MYRIP: variants seen among roughly 807,000 people sequenced by gnomAD.
MYRIP encodes myosin VIIA and Rab interacting protein, also known as rab effector MyRIP.
In MYRIP, 49 loss-of-function variants were observed where a neutral mutation model predicts 98.0. That is an observed-to-expected ratio of 0.50 (90% CI 0.40 to 0.63). The LOEUF (loss-of-function observed/expected upper bound fraction) is 0.63. Among genes scored for constraint, MYRIP ranks in the 30% least tolerant of loss-of-function variants. The pLI is 0.00. For missense variants in MYRIP, 1,004 were observed against 1,058.2 expected, an observed-to-expected ratio of 0.95 and a Z score of 0.71; for synonymous variants, 404 against 409.5, an observed-to-expected ratio of 0.99 and a Z score of 0.16.
chr3:39,873,161 T>C (rs1189612549), intron 1 of MYRIP, among the ~76,000 whole-genome samples: 12 of 152,142 alleles, frequency 7.9e-5, no homozygotes, highest in Non-Finnish European at 1.6e-4. Flanking sequence ...TGTTCATGTC[T>C]TTTGCCCACT....
intron 2 of MYRIP, among the ~76,000 whole-genome samples, chr3:39,991,424 GA>G (rs1288008026): frequency 7.9e-5 from 12 of 152,228 alleles, no homozygotes; most frequent in Admixed American, 7.9e-4. Flanking sequence ...TTCCAACTCA[GA>G]AGTGTTTTTG....
chr3:40,170,775 A>G (rs1365655780), intron 8 of MYRIP, among the ~76,000 whole-genome samples: 2 of 152,312 alleles, frequency 1.3e-5, no homozygotes, highest in African/African-American at 4.8e-5. Context: ...GTTCTGCTAG[A>G]TATAGGTGCT....
chr3:39,913,711 A>C (rs1944081851), intron 2 of MYRIP, among the ~76,000 whole-genome samples: 1 of 152,240 alleles, frequency 6.6e-6, no homozygotes, highest in Non-Finnish European at 1.5e-5. Context: ...ACAATGCCTT[A>C]GGGCAGTCTA....
chr3:40,159,128 G>C (rs1214621723), intron 4 of MYRIP, among the ~76,000 whole-genome samples: 1 of 152,040 alleles, frequency 6.6e-6, no homozygotes, highest in Non-Finnish European at 1.5e-5. Context: ...TGCAATGGCT[G>C]GTATCGGTTG....
intron 1 of MYRIP, among the ~76,000 whole-genome samples, chr3:39,814,972 G>A (rs1455713085): frequency 1.3e-5 from 2 of 152,022 alleles, no homozygotes; most frequent in Non-Finnish European, 2.9e-5. Context: ...CTTGTATTAG[G>A]CACCTTATAG....
intron 2 of MYRIP, among the ~76,000 whole-genome samples, chr3:39,956,599 C>T (rs180773029): frequency 2.0e-5 from 3 of 151,942 alleles, no homozygotes; most frequent in Non-Finnish European, 2.9e-5. Context: ...ATGGACACCC[C>T]AACATCACAA....
At chr3:40,016,638 C>A (rs928892761) in intron 2 of MYRIP, among the ~76,000 whole-genome samples, 9 of 152,154 alleles carry the variant, frequency 5.9e-5, no homozygotes, top group African/African-American at 2.2e-4. Context: ...TCTCACTGCT[C>A]CCCACCTGAG....
intron 3 of MYRIP, among the ~76,000 whole-genome samples, chr3:40,142,544 C>A (rs1342201159): frequency 6.6e-6 from 1 of 152,142 alleles, no homozygotes; most frequent in Non-Finnish European, 1.5e-5. Context: ...CACCTCGCAA[C>A]CTCTGCCTCC....
At chr3:40,018,528 G>A (rs1187479335) in intron 2 of MYRIP, among the ~76,000 whole-genome samples, 1 of 152,082 alleles carries the variant, frequency 6.6e-6, no homozygotes, top group Non-Finnish European at 1.5e-5. Context: ...AGACATGAGT[G>A]GTCTTTTGGT....
chr3:40,086,994 G>A (rs998028126), intron 3 of MYRIP, among the ~76,000 whole-genome samples: 6 of 152,144 alleles, frequency 3.9e-5, no homozygotes, highest in African/African-American at 1.2e-4. Flanking sequence ...GGGTGATTGG[G>A]GAATTCATAA....
intron 1 of MYRIP, among the ~76,000 whole-genome samples, chr3:39,810,164 G>A (rs889737458): frequency 6.6e-6 from 1 of 152,186 alleles, no homozygotes; most frequent in Admixed American, 6.5e-5. Flanking sequence ...TCTTTCTCTC[G>A]CTGCTGGGGT....
At chr3:40,157,289 G>C (rs751937702) in intron 4 of MYRIP, among the ~76,000 whole-genome samples, 3,086 of 139,858 alleles carry the variant, frequency 0.022, 35 homozygotes, top group Non-Finnish European at 0.029. Context: ...TTATATGCTG[G>C]ATTACATTTA....
chr3:40,166,872 G>T lies in MYRIP; in HGVS notation c.577G>T (p.Val193Leu). 6.2e-7 allele frequency: 1 copy of T among 1,613,786 alleles called. No individual in the cohort carries two copies. Among genetic ancestry groups the T allele is most frequent in the Non-Finnish European group, 8.5e-7 (1 of 1,179,704 alleles). Residue 193 changes from valine (V) to leucine (L), a missense_variant, in exon 6 of 17, where the codon GTG (valine) becomes TTG (leucine). By Grantham distance (32) the Val-to-Leu change is conservative. Transcript: ENST00000302541. ...ACATAGTGTGATGGACACCTTGGCT[G>T]TGGCCCTACGGGTGGCTGAAGAGGC... ...EGHSVMDTLA[V>L]ALRVAEEAIE...
intron 3 of MYRIP, among the ~76,000 whole-genome samples, chr3:40,082,209 A>G (rs949850625): frequency 6.6e-6 from 1 of 152,242 alleles, no homozygotes; most frequent in Non-Finnish European, 1.5e-5. Flanking sequence ...AAAACTAAAA[A>G]TAGAACTACC....
At chr3:40,127,458 C>G (rs1363680851) in intron 3 of MYRIP, among the ~76,000 whole-genome samples, 1 of 152,200 alleles carries the variant, frequency 6.6e-6, no homozygotes, top group African/African-American at 2.4e-5. Flanking sequence ...GATGTAGTTC[C>G]TTTCTTCCCT....
intron 3 of MYRIP, among the ~76,000 whole-genome samples, chr3:40,094,534 T>C (rs1575532816): frequency 6.6e-6 from 1 of 152,212 alleles, no homozygotes; most frequent in South Asian, 2.1e-4. Flanking sequence ...GACATCTGCC[T>C]GCCCTAGTGC....
rs1027224638 is a variant in MYRIP at position 39,989,716 on chromosome 3, A to C, written c.111-54334A>C. ...AGTTCTGTCCTTGAGTCCCTGGCTG[A>C]AGTTGTTGGAGTTCCTGTAGGGAGG... On this transcript the variant is annotated intron_variant, in intron 2 of 16. Transcript: ENST00000302541. Among the ~76,000 whole-genome samples, 20 of 152,296 alleles carry C rather than the reference A, an allele frequency of 1.3e-4. No individual in the cohort carries two copies. The South Asian group carries it at 1.7e-3, about 13-fold the overall frequency.
rs1950902757 is a variant in MYRIP, at chr3:40,182,334, C to A, written c.988C>A (p.Leu330Met). 5 of 1,613,580 alleles carry A rather than the reference C, an allele frequency of 3.1e-6. No individual in the cohort carries two copies. The South Asian group carries it at 5.5e-5, about 18-fold the overall frequency. ...QGQHPRAESA[L>M]PSWKSVDRLD... is the part of the protein sequence containing the mutation. ...CCAACACCCGAGAGCAGAGTCTGCT[C>A]TGCCCAGCTGGAAGAGTGTGGACAG... The change falls in exon 9 of 17, where the codon CTG (leucine) becomes ATG (methionine). Residue 330 changes from leucine (L) to methionine (M), a missense_variant. Coordinates refer to ENST00000302541, the MANE Select transcript of MYRIP (RefSeq NM_015460.4).
At chr3:40,234,487 C>T (rs1952766420) in intron 12 of MYRIP, among the ~76,000 whole-genome samples, 1 of 152,176 alleles carries the variant, frequency 6.6e-6, no homozygotes, top group Admixed American at 6.5e-5. Context: ...GTGTCTCCAG[C>T]AGCCCAAAGG....
Sources: gnomAD v4.1 joint callset for allele counts (sites outside exome capture counted in the v4.1 genomes callset) on GRCh38, gnomAD v4.1.1 for gene constraint, MANE v1.5 for transcripts, NCBI Gene and HGNC (gene_info 2026-07-23, HGNC 2026-07-21) for gene names.